PRKAA1: variants seen among roughly 807,000 people sequenced by gnomAD.
PRKAA1 encodes 5'-AMP-activated protein kinase catalytic subunit alpha-1.
In PRKAA1, 23 loss-of-function variants were observed where a neutral mutation model predicts 56.9. The observed-to-expected ratio is 0.40, with a 90% CI of 0.29 to 0.57. The LOEUF is 0.57. Among genes scored for constraint, PRKAA1 ranks in the 20% least tolerant of loss-of-function variants. The probability of loss-of-function intolerance (pLI) is 0.39; values close to 1 mark genes in which losing one functional copy is unlikely to be tolerated. For missense variants in PRKAA1, 413 were observed against 679.7 expected, an observed-to-expected ratio of 0.61 and a Z score of 4.36; for synonymous variants, 226 against 227.0, an observed-to-expected ratio of 1.00 and a Z score of 0.04.
At chr5:40,787,612 G>A (rs1744547285) in intron 1 of PRKAA1, among the ~76,000 whole-genome samples, 2 of 152,040 alleles carry the variant, frequency 1.3e-5, no homozygotes, top group South Asian at 4.1e-4. Context: ...TGTGATCAAA[G>A]TTAACTTGTT....
chr5:40,773,056 A>T (rs1382605559), intron 3 of PRKAA1, among the ~76,000 whole-genome samples: 1 of 152,188 alleles, frequency 6.6e-6, no homozygotes, highest in African/African-American at 2.4e-5. Flanking sequence ...ATAAGCTATT[A>T]ATCCTCTAGG....
chr5:40,793,843 G>A (rs1403003747), intron 1 of PRKAA1, among the ~76,000 whole-genome samples: 4 of 152,120 alleles, frequency 2.6e-5, no homozygotes, highest in South Asian at 2.1e-4. Context: ...GTTCAGGCCT[G>A]TAATCCCAGC....
chr5:40,777,571 A>C lies in PRKAA1; in HGVS notation c.143T>G (p.Leu48Trp), dbSNP rs1198171523. 1.2e-6 allele frequency: 2 copies of C among 1,609,672 alleles called. No homozygotes were observed. Among genetic ancestry groups the C allele is most frequent in the East Asian group, 2.2e-5 (1 of 44,864 alleles). The change falls in exon 2 of 9, where the codon TTG becomes TGG. Residue 48 changes from leucine to tryptophan, a missense_variant. This residue lies in a region of PRKAA1 where 61 missense variants were observed against 73.1 expected (regional missense o/e 0.83). Coordinates refer to ENST00000397128, the MANE Select transcript of PRKAA1 (RefSeq NM_006251.6). ...FGKVKVGKHELTGHKVAVKIL... is the reference protein window; with the variant it reads ...FGKVKVGKHEWTGHKVAVKIL... ...CTTCACAGCTACTTTATGCCCAGTC[A>C]ATTCATGTTTGCCAACTGTAAAAGA... is the stretch of plus-strand genomic sequence containing the variant.
intron 5 of PRKAA1, chr5:40,768,738 A>T (rs1743585771): frequency 7.6e-7 from 1 of 1,310,096 alleles, no homozygotes; most frequent in Non-Finnish European, 9.7e-7. Flanking sequence ...AGTTATTAAA[A>T]GTTCATTATA....
At chr5:40,768,484 C>A (rs937431162) in intron 5 of PRKAA1, 43 of 930,274 alleles carry the variant, frequency 4.6e-5, no homozygotes, top group Non-Finnish European at 5.1e-5. Flanking sequence ...ATAGACAACA[C>A]CATTTTTTTA....
Position 40,797,919 on chromosome 5 carries a change from G to A in PRKAA1, c.127+144C>T, listed in dbSNP as rs546150416. On this transcript the variant is annotated intron_variant, in intron 1 of 8. Transcript: ENST00000397128. ...GCGCCGCAGCCCCGCGGCGGCTGGG[G>A]AGAGCTCCCGCAGGATCCGGGACAG... The A allele has an allele frequency of 3.4e-3, 4,688 of 1,394,844 alleles. 16 individuals are homozygous for A. Among genetic ancestry groups the A allele is most frequent in the Non-Finnish European group, 4.1e-3 (4,296 of 1,055,032 alleles). 86.4% of individuals were successfully genotyped at this position (1,394,844 alleles called of 1,614,324 possible). A position where few individuals can be genotyped will look rare whatever the true frequency, so the allele number is the denominator to read the frequency against.
intron 1 of PRKAA1, among the ~76,000 whole-genome samples, chr5:40,784,720 C>G (rs1468551907): frequency 6.6e-6 from 1 of 152,172 alleles, no homozygotes; most frequent in East Asian, 1.9e-4. Context: ...CCCAAACATA[C>G]TGACACACTC....
chr5:40,764,209 G>T, intron 8 of PRKAA1: 1 of 187,706 alleles, frequency 5.3e-6, no homozygotes, highest in Admixed American at 5.7e-5. Context: ...ATAAAACATT[G>T]TCTCTTATCA....
In PRKAA1 at chr5:40,765,241, G is replaced by C; in HGVS notation, c.822-3C>G. On this transcript the variant is annotated splice_region_variant and splice_polypyrimidine_tract_variant and intron_variant, in intron 6 of 8. Transcript: ENST00000397128. ...CCTGTTTAAACCATTCATGTTCCCTGAGAGAAAAATGGCAGGATCAGGAGA... is the reference window on the plus strand; with the variant it reads ...CCTGTTTAAACCATTCATGTTCCCTCAGAGAAAAATGGCAGGATCAGGAGA... 1 of 1,598,870 alleles carries C rather than the reference G, an allele frequency of 6.3e-7. No individual in the cohort carries two copies. Among genetic ancestry groups the C allele is most frequent in the Non-Finnish European group, 8.5e-7 (1 of 1,172,582 alleles).
At position 40,777,552 on chromosome 5, in the gene PRKAA1, A is replaced by G. The variant is rs746509641; in HGVS notation, c.162T>C (p.Ala54=). 2 of 1,613,226 alleles carry G rather than the reference A, an allele frequency of 1.2e-6. No individual in the cohort carries two copies. ...GKHELTGHKV[A]VKILNRQKIR... ...TCTTCTGTCGATTGAGTATCTTCAC[A>G]GCTACTTTATGCCCAGTCAATTCAT... is the stretch of plus-strand genomic sequence containing the variant. The change falls in exon 2 of 9, where the codon GCT becomes GCC. Residue 54 remains alanine, a synonymous_variant. Coordinates refer to ENST00000397128, the MANE Select transcript of PRKAA1 (RefSeq NM_006251.6).
At chr5:40,770,444 G>C (rs930911256) in intron 4 of PRKAA1, among the ~76,000 whole-genome samples, 1 of 151,890 alleles carries the variant, frequency 6.6e-6, no homozygotes, top group Non-Finnish European at 1.5e-5. Flanking sequence ...CTGGGTGACA[G>C]AGTGAAACTC....
chr5:40,777,988 C>T (rs763183630), intron 1 of PRKAA1, among the ~76,000 whole-genome samples: 8 of 152,140 alleles, frequency 5.3e-5, no homozygotes, highest in South Asian at 2.1e-4. Context: ...GCAGGAGAAT[C>T]GCTTGAACCC....
chr5:40,790,819 G>A (rs368266038), intron 1 of PRKAA1, among the ~76,000 whole-genome samples: 23 of 152,262 alleles, frequency 1.5e-4, no homozygotes, highest in African/African-American at 5.1e-4. Flanking sequence ...GATTACAGGC[G>A]TGAGCCACCA....
intron 1 of PRKAA1, among the ~76,000 whole-genome samples, chr5:40,790,523 T>TTCTC (rs199558235): frequency 2.9e-5 from 2 of 67,820 alleles, no homozygotes; most frequent in Non-Finnish European, 6.6e-5. Context: ...AGTCAACTCT[T>TTCTC]TCTTTTTTTT....
In PRKAA1 at chr5:40,760,931, A is replaced by T. The variant is rs1325575217; in HGVS notation, c.*1847T>A. ...CTTAAAGTTAACATAAGGCAAATAT[A>T]AATGATACAATATTATCATACACGA... On this transcript the variant is annotated 3_prime_UTR_variant, in exon 9 of 9. Transcript: ENST00000397128. 1.3e-5 allele frequency: 2 copies of T among 152,336 alleles called. No individual in the cohort carries two copies. Among genetic ancestry groups the T allele is most frequent in the Admixed American group, 6.5e-5 (1 of 15,288 alleles). The allele number at this position is 152,336 out of a possible 1,614,324, so 9.4% of individuals were successfully genotyped here. A position where few individuals can be genotyped will look rare whatever the true frequency, so the allele number is the denominator to read the frequency against.
chr5:40,775,189 A>G (rs915074179), intron 3 of PRKAA1, among the ~76,000 whole-genome samples: 2 of 152,246 alleles, frequency 1.3e-5, no homozygotes, highest in African/African-American at 4.8e-5. Flanking sequence ...GAGCAATCAT[A>G]TAAGCCGCGA....
intron 1 of PRKAA1, among the ~76,000 whole-genome samples, chr5:40,792,790 T>G (rs6889131): frequency 6.6e-6 from 1 of 152,062 alleles, no homozygotes; most frequent in African/African-American, 2.4e-5. Context: ...AGGCCAAGCA[T>G]GGTGGCTCAT....
At chr5:40,783,908 C>T (rs947903464) in intron 1 of PRKAA1, among the ~76,000 whole-genome samples, 6 of 152,094 alleles carry the variant, frequency 3.9e-5, no homozygotes, top group African/African-American at 1.4e-4. Context: ...ATTTTATAGT[C>T]GCACAGACCT....
chr5:40,795,008 T>TACAC (rs201435537), intron 1 of PRKAA1, among the ~76,000 whole-genome samples: 1,554 of 150,030 alleles, frequency 0.01, 6 homozygotes, highest in African/African-American at 0.018. Flanking sequence ...TACATATATA[T>TACAC]ACACACACAC....
Sources: gnomAD v4.1 joint callset for allele counts (sites outside exome capture counted in the v4.1 genomes callset) on GRCh38, gnomAD v4.1.1 for gene constraint, gnomAD v4.1.1 regional missense constraint, MANE v1.5 for transcripts, NCBI Gene and HGNC (gene_info 2026-07-23, HGNC 2026-07-21) for gene names.